The following STK33 variants were observed in gnomAD, a reference collection of about 807,000 sequenced individuals.
STK33 encodes the protein serine/threonine-protein kinase 33.
STK33 carries 52 observed loss-of-function variants against 58.0 expected under a neutral mutation model. The observed-to-expected ratio is 0.90, with a 90% confidence interval of 0.72 to 1.13. STK33 has a LOEUF of 1.13. Among genes scored for constraint, STK33 ranks in the 50% most tolerant of loss-of-function variants. STK33 has a pLI of 0.00. For synonymous variants in STK33, 215 were observed against 200.1 expected (o/e 1.07, Z -0.63); for missense variants, 630 against 604.2 (o/e 1.04, Z -0.45).
chr11:8,584,908 A>G (rs1163830804), intron 1 of STK33, among the ~76,000 whole-genome samples: 1 of 148,700 alleles, frequency 6.7e-6, no homozygotes, highest in East Asian at 2.0e-4. Context: ...TGCTACAGAC[A>G]AAAGACAAAG....
At chr11:8,546,021 G>A (rs1272333457) in intron 1 of STK33, among the ~76,000 whole-genome samples, 1 of 152,166 alleles carries the variant, frequency 6.6e-6, no homozygotes, top group Non-Finnish European at 1.5e-5. Flanking sequence ...GTAGGCAATT[G>A]TAACACGATG....
the STK33 span, among the ~76,000 whole-genome samples, chr11:8,377,986 C>A: frequency 6.6e-6 from 1 of 152,208 alleles, no homozygotes. Context: ...ATCCCAAGCT[C>A]ATGAACTAGA....
Position 8,392,607 on chromosome 11 carries a change from C to T in STK33, c.1448G>A (p.Gly483Glu), listed in dbSNP as rs1459256404. 3 of 1,614,076 alleles carry T rather than the reference C, an allele frequency of 1.9e-6. No individual in the cohort carries two copies. Among genetic ancestry groups the T allele is most frequent in the South Asian group, 1.1e-5 (1 of 91,088 alleles). The change falls in exon 16 of 16, where the codon GGA becomes GAA. Residue 483 changes from glycine (G) to glutamate (E), a missense_variant. Transcript: ENST00000687296. ...SSKLLPAEIKGEMEKTPVTPS... is the reference protein window; with the variant it reads ...SSKLLPAEIKEEMEKTPVTPS... ...AGTCACAGGGGTTTTCTCCATTTCTCCCTTGATTTCAGCTGGAAGGAGTTT... is the reference window on the plus strand; with the variant it reads ...AGTCACAGGGGTTTTCTCCATTTCTTCCTTGATTTCAGCTGGAAGGAGTTT...
the STK33 span, among the ~76,000 whole-genome samples, chr11:8,380,262 AAGAACGGCCATTATTGG>A: frequency 6.6e-6 from 1 of 152,156 alleles, no homozygotes; most frequent in Non-Finnish European, 1.5e-5. Flanking sequence ...TATGAGCCTT[AAGAACGGCCATTATTGG>A]CCAGGCACAG....
chr11:8,574,378 T>C (rs1437640498), intron 1 of STK33, among the ~76,000 whole-genome samples: 1 of 152,172 alleles, frequency 6.6e-6, no homozygotes, highest in Non-Finnish European at 1.5e-5. Flanking sequence ...AAATCTGTAA[T>C]TATTTCAAAT....
At chr11:8,527,222 C>A (rs1445054330) in intron 1 of STK33, among the ~76,000 whole-genome samples, 1 of 152,096 alleles carries the variant, frequency 6.6e-6, no homozygotes, top group Non-Finnish European at 1.5e-5. Flanking sequence ...ATGATCCGCC[C>A]ACCTTGACCT....
chr11:8,353,310 C>A, the STK33 span, among the ~76,000 whole-genome samples: 1 of 152,356 alleles, frequency 6.6e-6, no homozygotes, highest in East Asian at 1.9e-4. Context: ...TGGGTTCTGA[C>A]TAAGCAGCTT....
At chr11:8,368,295 C>G in the STK33 span, among the ~76,000 whole-genome samples, 3 of 152,224 alleles carry the variant, frequency 2.0e-5, no homozygotes, top group Non-Finnish European at 4.4e-5. Context: ...TCCTCAAGAG[C>G]CAGCAGTCAC....
chr11:8,521,313 A>C (rs1176424999), intron 1 of STK33, among the ~76,000 whole-genome samples: 3 of 152,200 alleles, frequency 2.0e-5, no homozygotes, highest in Non-Finnish European at 4.4e-5. Context: ...GCCCTTGGAA[A>C]TAATACCACA....
chr11:8,452,744 T>C (rs61880268), intron 11 of STK33, 78 bp downstream of exon 11: 58,902 of 1,293,688 alleles, frequency 0.046, 1,682 homozygotes, highest in Non-Finnish European at 0.056. Flanking sequence ...GCCAAGATCA[T>C]GCCACTGCAC....
intron 12 of STK33, among the ~76,000 whole-genome samples, chr11:8,437,308 G>A (rs1944197943): frequency 6.6e-6 from 1 of 152,110 alleles, no homozygotes; most frequent in South Asian, 2.1e-4. Flanking sequence ...AGTGATCTAG[G>A]TCAAAACTAC....
the STK33 span, among the ~76,000 whole-genome samples, chr11:8,347,050 T>C: frequency 1.3e-5 from 2 of 152,248 alleles, no homozygotes; most frequent in African/African-American, 4.8e-5. Flanking sequence ...GCTCAGCCTT[T>C]TCCAGCTTAA....
chr11:8,337,645 C>CG, the STK33 span, among the ~76,000 whole-genome samples: 166 of 87,852 alleles, frequency 1.9e-3, no homozygotes, highest in East Asian at 9.7e-3. Flanking sequence ...CGGCGGGGGG[C>CG]GGGGGGGGGG....
At chr11:8,398,322 A>T (rs1423163508) in intron 15 of STK33, among the ~76,000 whole-genome samples, 2 of 152,248 alleles carry the variant, frequency 1.3e-5, no homozygotes, top group Admixed American at 6.5e-5. Context: ...TTCTTAAAGC[A>T]AAGAATTTTC....
chr11:8,354,516 A>ACACACACACACACACACC, the STK33 span, among the ~76,000 whole-genome samples: 16 of 127,764 alleles, frequency 1.3e-4, no homozygotes, highest in East Asian at 9.2e-4. Flanking sequence ...ACACACACAC[A>ACACACACACACACACACC]CCCCTCAGAC....
At chr11:8,339,798 G>A in the STK33 span, among the ~76,000 whole-genome samples, 1 of 152,218 alleles carries the variant, frequency 6.6e-6, no homozygotes, top group African/African-American at 2.4e-5. Flanking sequence ...CCTGGGGCAG[G>A]ACACAGCCTC....
intron 1 of STK33, among the ~76,000 whole-genome samples, chr11:8,536,971 GA>G (rs1955067792): frequency 2.4e-5 from 1 of 40,954 alleles, no homozygotes; most frequent in Non-Finnish European, 4.5e-5. Context: ...AAAAAAAAAA[GA>G]TTTTTTTTTT....
At chr11:8,442,226 A>G (rs1944849293) in intron 11 of STK33, among the ~76,000 whole-genome samples, 1 of 152,212 alleles carries the variant, frequency 6.6e-6, no homozygotes, top group Non-Finnish European at 1.5e-5. Context: ...AATGATTGAA[A>G]ATTAACTAAT....
chr11:8,446,396 A>T (rs1358596976), intron 11 of STK33, among the ~76,000 whole-genome samples: 1 of 151,978 alleles, frequency 6.6e-6, no homozygotes, highest in East Asian at 1.9e-4. Flanking sequence ...CTCTGATCTT[A>T]GTTATTTCTT....
Sources: allele counts gnomAD v4.1 joint callset (sites outside exome capture counted in the v4.1 genomes callset), GRCh38; gene constraint gnomAD v4.1.1; transcripts MANE v1.5; gene names NCBI Gene and HGNC (gene_info 2026-07-23, HGNC 2026-07-21).